KHDRBS2: variants seen among roughly 807,000 people sequenced by gnomAD.
KHDRBS2 encodes the protein KH RNA binding domain containing, signal transduction associated 2, also known as KH domain-containing, RNA-binding, signal transduction-associated protein 2.
Under a neutral mutation model 44.3 loss-of-function variants are expected in KHDRBS2, and 26 were observed. The observed-to-expected ratio is 0.59, with a 90% CI of 0.43 to 0.81. The LOEUF is 0.81. Ranked by LOEUF, KHDRBS2 falls within the 40% of genes least tolerant of loss-of-function variation. The pLI is 0.00. For synonymous variants in KHDRBS2, 194 were observed against 151.1 expected (o/e 1.28, Z -2.08); for missense variants, 476 against 433.1 (o/e 1.10, Z -0.88).
chr6:61,864,554 T>C (rs1412584660), intron 6 of KHDRBS2, among the ~76,000 whole-genome samples: 1 of 152,188 alleles, frequency 6.6e-6, no homozygotes, highest in Non-Finnish European at 1.5e-5. Context: ...AAATTTGGAG[T>C]TGAAATTTCT....
chr6:62,238,245 G>A (rs1834023972), intron 1 of KHDRBS2, among the ~76,000 whole-genome samples: 1 of 151,972 alleles, frequency 6.6e-6, no homozygotes, highest in Non-Finnish European at 1.5e-5. Context: ...TTGTGTACAG[G>A]GTTGTCATTT....
chr6:61,631,342 A>T, the KHDRBS2 span, among the ~76,000 whole-genome samples: 1 of 138,166 alleles, frequency 7.2e-6, no homozygotes, highest in Admixed American at 7.5e-5. Context: ...AAAAAAGACA[A>T]TACAGTGTGT....
intron 6 of KHDRBS2, among the ~76,000 whole-genome samples, chr6:61,805,047 G>A (rs1786924194): frequency 6.6e-6 from 1 of 152,052 alleles, no homozygotes; most frequent in African/African-American, 2.4e-5. Flanking sequence ...AAACTTTTAT[G>A]CTTTGCTCCC....
chr6:62,285,063 A>ATGGCATTATTATAACATAAATGG (rs1842294756), intron 1 of KHDRBS2, among the ~76,000 whole-genome samples: 1 of 152,322 alleles, frequency 6.6e-6, no homozygotes, highest in South Asian at 2.1e-4. Context: ...TAGTATTTAG[A>ATGGCATTATTATAACATAAATGG]TGGCATTATT....
intron 8 of KHDRBS2, among the ~76,000 whole-genome samples, chr6:61,684,121 A>G (rs1430567333): frequency 6.6e-6 from 1 of 151,958 alleles, no homozygotes; most frequent in Non-Finnish European, 1.5e-5. Flanking sequence ...CAATTGCCAC[A>G]TGATAATGCA....
At chr6:61,646,465 T>TA in the KHDRBS2 span, among the ~76,000 whole-genome samples, 9 of 152,100 alleles carry the variant, frequency 5.9e-5, no homozygotes, top group South Asian at 2.1e-4. Flanking sequence ...TTTTGTCAGT[T>TA]AAAAAAATAC....
chr6:61,730,893 A>G (rs1345001846), intron 7 of KHDRBS2, among the ~76,000 whole-genome samples: 2 of 151,970 alleles, frequency 1.3e-5, no homozygotes, highest in Non-Finnish European at 2.9e-5. Context: ...AAATTATCTT[A>G]ATCTCATATT....
At chr6:62,082,632 T>C (rs1232728101) in intron 2 of KHDRBS2, among the ~76,000 whole-genome samples, 2 of 152,148 alleles carry the variant, frequency 1.3e-5, no homozygotes, top group Non-Finnish European at 2.9e-5. Flanking sequence ...GTTTAAAAAT[T>C]GGAATTGGGA....
chr6:61,977,008 G>A (rs1164028015), intron 4 of KHDRBS2, among the ~76,000 whole-genome samples: 2 of 152,082 alleles, frequency 1.3e-5, no homozygotes, highest in Admixed American at 6.6e-5. Flanking sequence ...CTATAACCTT[G>A]CCTTGACAGA....
At chr6:61,845,021 GA>G (rs890993014) in intron 6 of KHDRBS2, among the ~76,000 whole-genome samples, 2 of 151,946 alleles carry the variant, frequency 1.3e-5, no homozygotes, top group Admixed American at 6.6e-5. Context: ...TGCTTAGAAG[GA>G]AAAAAACTAC....
the KHDRBS2 span, among the ~76,000 whole-genome samples, chr6:61,589,080 G>A: frequency 1.3e-5 from 2 of 152,072 alleles, no homozygotes; most frequent in East Asian, 1.9e-4. Flanking sequence ...GGTGGGGGTA[G>A]GGGGGCAAAG....
At chr6:62,210,491 C>A (rs1469516799) in intron 1 of KHDRBS2, among the ~76,000 whole-genome samples, 1 of 151,792 alleles carries the variant, frequency 6.6e-6, no homozygotes, top group African/African-American at 2.4e-5. Flanking sequence ...CCACCACACC[C>A]GGCTAATTTT....
At chr6:61,604,013 G>A in the KHDRBS2 span, among the ~76,000 whole-genome samples, 1 of 152,094 alleles carries the variant, frequency 6.6e-6, no homozygotes, top group Non-Finnish European at 1.5e-5. Context: ...TTATCATTGA[G>A]GCTACCGCTC....
At chr6:62,120,797 C>T (rs973334180) in intron 2 of KHDRBS2, among the ~76,000 whole-genome samples, 2 of 152,176 alleles carry the variant, frequency 1.3e-5, no homozygotes, top group African/African-American at 4.8e-5. Context: ...GACCCAGAAC[C>T]CCTTGAATAA....
intron 2 of KHDRBS2, among the ~76,000 whole-genome samples, chr6:62,109,267 T>C (rs1273248126): frequency 6.6e-5 from 10 of 151,984 alleles, no homozygotes; most frequent in Non-Finnish European, 1.3e-4. Flanking sequence ...AAGATGCTGA[T>C]GAAACATTTG....
intron 2 of KHDRBS2, among the ~76,000 whole-genome samples, chr6:62,100,802 T>C (rs1250034559): frequency 6.6e-6 from 1 of 152,222 alleles, no homozygotes; most frequent in Non-Finnish European, 1.5e-5. Flanking sequence ...CCAGATAATT[T>C]GTGTGACTTT....
chr6:62,092,121 T>C (rs1378035229), intron 2 of KHDRBS2, among the ~76,000 whole-genome samples: 2 of 152,028 alleles, frequency 1.3e-5, no homozygotes, highest in Non-Finnish European at 2.9e-5. Flanking sequence ...GTCTCCAGTT[T>C]TTTTTTTTAA....
At chr6:61,650,354 A>C in the KHDRBS2 span, among the ~76,000 whole-genome samples, 1 of 151,832 alleles carries the variant, frequency 6.6e-6, no homozygotes. Context: ...TCTAGGCTTC[A>C]TGCAAGCAGA....
the KHDRBS2 span, among the ~76,000 whole-genome samples, chr6:61,628,241 T>TTTTTAC: frequency 7.5e-5 from 1 of 13,354 alleles, no homozygotes; most frequent in African/African-American, 2.0e-4. Context: ...TTTTTTTTTT[T>TTTTTAC]CAACCTGGGC....
Sources: allele counts gnomAD v4.1 joint callset (sites outside exome capture counted in the v4.1 genomes callset), GRCh38; gene constraint gnomAD v4.1.1; transcripts MANE v1.5; gene names NCBI Gene and HGNC (gene_info 2026-07-23, HGNC 2026-07-21).